The following HIRA variants were observed in gnomAD, a reference collection of about 807,000 sequenced individuals.
HIRA encodes protein HIRA.
A neutral mutation model predicts 126.6 loss-of-function variants in HIRA; 13 were observed. The ratio of observed to expected loss-of-function variants is 0.10; its 90% CI spans 0.07 to 0.16. HIRA has a LOEUF of 0.16. Among genes scored for constraint, HIRA ranks in the 10% least tolerant of loss-of-function variants. The pLI, the probability that HIRA is intolerant of heterozygous loss-of-function variation, is 1.00. For synonymous variants in HIRA, 511 were observed against 520.0 expected (o/e 0.98, Z 0.24); for missense variants, 834 against 1,314.4 (o/e 0.63, Z 5.65).
chr22:19,410,847 C>G (rs2089346732), intron 1 of HIRA, 69 bp from the exon 2 acceptor site: 1 of 1,249,458 alleles, frequency 8.0e-7, no homozygotes, highest in South Asian at 1.2e-5. Flanking sequence ...TCAAACTCAA[C>G]AGATTCAGTT....
At chr22:19,402,731 T>A (rs2089279090) in intron 5 of HIRA, among the ~76,000 whole-genome samples, 1 of 152,208 alleles carries the variant, frequency 6.6e-6, no homozygotes, top group African/African-American at 2.4e-5. Flanking sequence ...CTTTTCTTGA[T>A]ATAAACCGCA....
At chr22:19,346,591 C>T (rs1180128556) in intron 24 of HIRA, among the ~76,000 whole-genome samples, 1 of 152,250 alleles carries the variant, frequency 6.6e-6, no homozygotes, top group Admixed American at 6.5e-5. Flanking sequence ...GGGAGAAAAC[C>T]TGCTCATTTT....
intron 24 of HIRA, among the ~76,000 whole-genome samples, chr22:19,344,302 T>C (rs2088663465): frequency 6.6e-6 from 1 of 151,638 alleles, no homozygotes; most frequent in Non-Finnish European, 1.5e-5. Flanking sequence ...AGAGACAAGA[T>C]CCAAATAATG....
chr22:19,365,173 C>A (rs1221433482), intron 15 of HIRA, among the ~76,000 whole-genome samples: 1 of 152,170 alleles, frequency 6.6e-6, no homozygotes, highest in Non-Finnish European at 1.5e-5. Context: ...AAAGAAGCTG[C>A]CTCTATAACA....
At chr22:19,423,687 G>A (rs905218572) in intron 1 of HIRA, among the ~76,000 whole-genome samples, 1 of 152,146 alleles carries the variant, frequency 6.6e-6, no homozygotes, top group Non-Finnish European at 1.5e-5. Flanking sequence ...CACCACAGTG[G>A]CTTTTGCCAG....
intron 7 of HIRA, among the ~76,000 whole-genome samples, chr22:19,396,582 G>A (rs180827067): frequency 7.2e-5 from 11 of 152,328 alleles, no homozygotes; most frequent in Non-Finnish European, 1.0e-4. Context: ...ATTAAACAGC[G>A]TCTCAGAAAT....
At chr22:19,414,127 C>G (rs111451724) in intron 1 of HIRA, among the ~76,000 whole-genome samples, 7 of 152,198 alleles carry the variant, frequency 4.6e-5, no homozygotes, top group African/African-American at 1.7e-4. Context: ...AAGCAATCAC[C>G]TATCCTTAGA....
At chr22:19,362,007 T>A in intron 15 of HIRA, 76 bp from the exon 16 acceptor site, 1 of 1,433,120 alleles carries the variant, frequency 7.0e-7, no homozygotes, top group Middle Eastern at 1.8e-4. Context: ...ATATTTAAAG[T>A]GCTTAAACAA....
intron 15 of HIRA, among the ~76,000 whole-genome samples, chr22:19,363,418 G>A (rs1196007063): frequency 6.6e-6 from 1 of 152,072 alleles, no homozygotes; most frequent in Non-Finnish European, 1.5e-5. Context: ...AGCAGCCTGG[G>A]CAAAATAATG....
chr22:19,404,766 C>T (rs1172067013), intron 5 of HIRA, among the ~76,000 whole-genome samples: 2 of 152,170 alleles, frequency 1.3e-5, no homozygotes, highest in African/African-American at 4.8e-5. Context: ...TCCCCATAAG[C>T]CTGTTGTCCT....
chr22:19,425,349 G>A (rs1435859766), intron 1 of HIRA, among the ~76,000 whole-genome samples: 1 of 152,136 alleles, frequency 6.6e-6, no homozygotes, highest in Admixed American at 6.6e-5. Context: ...CCATACCTCT[G>A]GTTCATGTGC....
At position 19,388,473 on chromosome 22, in the gene HIRA, A is replaced by C. The variant is rs374040191; in HGVS notation, c.1007+11T>G. 273 of 1,600,624 alleles carry C rather than the reference A, an allele frequency of 1.7e-4. 3 individuals are homozygous for C. Among genetic ancestry groups the C allele is most frequent in the South Asian group, 1.5e-3 (135 of 90,838 alleles). On this transcript the variant is annotated intron_variant, in intron 10 of 24. Coordinates refer to ENST00000263208, the MANE Select transcript of HIRA (RefSeq NM_003325.4). ...TTCTTAACCTATTCCTGTAAGTAGA[A>C]TCCACCTTACCAGGAAATATCCATG...
At chr22:19,396,548 ATCCCTTTTATT>A (rs2089225699) in intron 7 of HIRA, among the ~76,000 whole-genome samples, 1 of 152,206 alleles carries the variant, frequency 6.6e-6, no homozygotes, top group African/African-American at 2.4e-5. Flanking sequence ...AAAACTATAA[ATCCCTTTTATT>A]TCAAAGTTGG....
intron 1 of HIRA, among the ~76,000 whole-genome samples, chr22:19,423,322 T>G (rs1186941409): frequency 2.0e-5 from 3 of 151,866 alleles, no homozygotes; most frequent in Non-Finnish European, 4.4e-5. Context: ...CCCTCCCACA[T>G]CTCCTCTTTT....
intron 13 of HIRA, among the ~76,000 whole-genome samples, chr22:19,381,134 C>T (rs962394335): frequency 9.9e-5 from 15 of 152,274 alleles, no homozygotes; most frequent in African/African-American, 3.6e-4. Context: ...AGATATGCAT[C>T]TCTGGTTGCA....
chr22:19,401,036 A>G (rs2089263928), intron 5 of HIRA, among the ~76,000 whole-genome samples: 1 of 151,924 alleles, frequency 6.6e-6, no homozygotes, highest in Admixed American at 6.6e-5. Flanking sequence ...TCCAGCTGAG[A>G]GCCCACCACC....
chr22:19,345,424 G>A (rs797036000), intron 24 of HIRA, among the ~76,000 whole-genome samples: 6 of 152,314 alleles, frequency 3.9e-5, no homozygotes, highest in African/African-American at 1.2e-4. Flanking sequence ...AGGATGCGAT[G>A]TATAGCTCTT....
intron 5 of HIRA, among the ~76,000 whole-genome samples, chr22:19,401,559 A>G (rs1314649299): frequency 6.6e-6 from 1 of 152,104 alleles, no homozygotes; most frequent in African/African-American, 2.4e-5. Flanking sequence ...CATATCCAAA[A>G]CCAAACTCTG....
chr22:19,359,267 GC>G, intron 18 of HIRA, 68 bp downstream of exon 18: 1 of 1,447,690 alleles, frequency 6.9e-7, no homozygotes. Flanking sequence ...CCCTAGACAG[GC>G]CCAGGCCCAG....
Sources: allele counts gnomAD v4.1 joint callset (sites outside exome capture counted in the v4.1 genomes callset), GRCh38; gene constraint gnomAD v4.1.1; transcripts MANE v1.5; gene names NCBI Gene and HGNC (gene_info 2026-07-23, HGNC 2026-07-21).